The following GRID2 variants were observed in gnomAD, a reference collection of about 807,000 sequenced individuals.
GRID2 encodes glutamate receptor ionotropic, delta-2.
In GRID2, 33 loss-of-function variants were observed where a neutral mutation model predicts 114.8. That is an observed-to-expected ratio of 0.29 (90% CI 0.22 to 0.38). The LOEUF (loss-of-function observed/expected upper bound fraction) is 0.38, where lower values mean the gene tolerates loss of function less well. Among genes scored for constraint, GRID2 ranks in the 10% least tolerant of loss-of-function variants. The pLI, the probability that GRID2 is intolerant of heterozygous loss-of-function variation, is 1.00. For synonymous variants in GRID2, 505 were observed against 449.9 expected (o/e 1.12, Z -1.55); for missense variants, 1,184 against 1,257.7 (o/e 0.94, Z 0.89).
intron 2 of GRID2, among the ~76,000 whole-genome samples, chr4:93,009,762 A>T (rs771888223): frequency 6.6e-6 from 1 of 152,090 alleles, no homozygotes; most frequent in Non-Finnish European, 1.5e-5. Context: ...TTTCTGGAAG[A>T]TCAGCATTCT....
At position 93,216,871 on chromosome 4, in the gene GRID2, C is replaced by CT; in HGVS notation, c.923_924insT (p.Leu309IlefsTer3). ...CGTGGCAACCATCGAATATCTTCAA[C>CT]ATTGTGTGATCCAAAGGATCCATTT... On this transcript the variant is annotated frameshift_variant, in exon 6 of 16. Transcript: ENST00000282020. LOFTEE classifies it high-confidence loss of function. 6.2e-7 allele frequency: 1 copy of CT among 1,612,888 alleles called. No individual in the cohort carries two copies. Among genetic ancestry groups the CT allele is most frequent in the Non-Finnish European group, 8.5e-7 (1 of 1,179,006 alleles).
intron 5 of GRID2, among the ~76,000 whole-genome samples, chr4:93,211,049 C>T (rs542744173): frequency 2.0e-5 from 3 of 152,120 alleles, no homozygotes; most frequent in South Asian, 2.1e-4. Flanking sequence ...CAAATTAATG[C>T]TTACAATCAC....
chr4:92,929,308 A>G (rs920192832), intron 2 of GRID2, among the ~76,000 whole-genome samples: 2 of 151,284 alleles, frequency 1.3e-5, no homozygotes, highest in Non-Finnish European at 3.0e-5. Context: ...GTGGATACAG[A>G]TTTCCTTGAT....
At chr4:93,670,252 A>G (rs186138604) in intron 14 of GRID2, among the ~76,000 whole-genome samples, 21 of 152,300 alleles carry the variant, frequency 1.4e-4, no homozygotes, top group African/African-American at 4.6e-4. Context: ...GATCATTTCT[A>G]TGCACCCTGA....
intron 13 of GRID2, among the ~76,000 whole-genome samples, chr4:93,588,209 T>C (rs989750242): frequency 6.6e-6 from 1 of 151,854 alleles, no homozygotes; most frequent in African/African-American, 2.4e-5. Context: ...ACCTAAAGAA[T>C]ATAAAAAGAA....
At chr4:93,299,704 AAT>A (rs938555161) in intron 8 of GRID2, among the ~76,000 whole-genome samples, 2 of 151,996 alleles carry the variant, frequency 1.3e-5, no homozygotes, top group African/African-American at 2.4e-5. Context: ...GTATAATAAA[AAT>A]ATATATATAA....
intron 2 of GRID2, among the ~76,000 whole-genome samples, chr4:92,980,068 TTAA>T (rs1179648754): frequency 6.6e-6 from 1 of 152,180 alleles, no homozygotes; most frequent in Non-Finnish European, 1.5e-5. Flanking sequence ...AATATTTGCC[TTAA>T]TAATAATGTG....
chr4:93,018,209 A>T, intron 2 of GRID2, among the ~76,000 whole-genome samples: 1 of 123,122 alleles, frequency 8.1e-6, no homozygotes. Flanking sequence ...TTAAGTTCCC[A>T]GTGTATTTTG....
At chr4:92,325,926 T>A (rs1045890748) in intron 1 of GRID2, among the ~76,000 whole-genome samples, 1 of 151,784 alleles carries the variant, frequency 6.6e-6, no homozygotes, top group Admixed American at 6.6e-5. Context: ...ATTATCCACA[T>A]TCCCGGGTCT....
At chr4:92,783,063 C>A (rs1739160405) in intron 2 of GRID2, among the ~76,000 whole-genome samples, 1 of 151,926 alleles carries the variant, frequency 6.6e-6, no homozygotes, top group African/African-American at 2.4e-5. Flanking sequence ...TGAGTTAATA[C>A]ATTATTATTA....
chr4:93,003,892 T>A (rs1721250219), intron 2 of GRID2, among the ~76,000 whole-genome samples: 1 of 151,952 alleles, frequency 6.6e-6, no homozygotes. Context: ...ATTGTGAAAT[T>A]TGAAAGTTTC....
chr4:93,554,605 T>C (rs1433250546), intron 13 of GRID2, among the ~76,000 whole-genome samples: 1 of 152,100 alleles, frequency 6.6e-6, no homozygotes, highest in Non-Finnish European at 1.5e-5. Context: ...CACACATACA[T>C]ATTTTCCAAA....
At chr4:92,715,614 A>T (rs1236492113) in intron 2 of GRID2, among the ~76,000 whole-genome samples, 1 of 152,210 alleles carries the variant, frequency 6.6e-6, no homozygotes, top group Non-Finnish European at 1.5e-5. Context: ...GTGGAAGAAG[A>T]TGAAAGGTAC....
intron 2 of GRID2, among the ~76,000 whole-genome samples, chr4:92,935,966 C>G (rs1244458833): frequency 6.9e-6 from 1 of 145,788 alleles, no homozygotes; most frequent in Non-Finnish European, 1.5e-5. Flanking sequence ...AGCACACCAG[C>G]ATGGCACGTG....
chr4:92,831,687 C>T (rs1057183374), intron 2 of GRID2, among the ~76,000 whole-genome samples: 1 of 151,766 alleles, frequency 6.6e-6, no homozygotes, highest in African/African-American at 2.4e-5. Context: ...GATGCTGTCT[C>T]TACAAAAAAT....
intron 1 of GRID2, among the ~76,000 whole-genome samples, chr4:92,349,584 T>C (rs1727959046): frequency 6.6e-6 from 1 of 151,668 alleles, no homozygotes; most frequent in South Asian, 2.1e-4. Flanking sequence ...AAATTTAAAA[T>C]ATTTTATAAT....
At chr4:93,014,185 C>A (rs1722462009) in intron 2 of GRID2, among the ~76,000 whole-genome samples, 1 of 152,040 alleles carries the variant, frequency 6.6e-6, no homozygotes, top group African/African-American at 2.4e-5. Flanking sequence ...ATACCACAGA[C>A]TTGGTGGCTT....
intron 4 of GRID2, among the ~76,000 whole-genome samples, chr4:93,197,881 A>G (rs971507476): frequency 1.3e-5 from 2 of 152,184 alleles, no homozygotes; most frequent in Non-Finnish European, 2.9e-5. Context: ...TTTGAATTTA[A>G]TATTTCTATA....
chr4:92,661,647 A>C (rs1225503292), intron 2 of GRID2, among the ~76,000 whole-genome samples: 1 of 151,022 alleles, frequency 6.6e-6, no homozygotes, highest in Non-Finnish European at 1.5e-5. Flanking sequence ...TGATTACCCA[A>C]CTTTGGAATA....
Sources: gnomAD v4.1 joint callset for allele counts (sites outside exome capture counted in the v4.1 genomes callset) on GRCh38, gnomAD v4.1.1 for gene constraint, MANE v1.5 for transcripts, NCBI Gene and HGNC (gene_info 2026-07-23, HGNC 2026-07-21) for gene names.